COL5A1: variants seen among roughly 807,000 people sequenced by gnomAD.
COL5A1 encodes collagen type V alpha 1 chain.
COL5A1 carries 16 observed loss-of-function variants against 263.7 expected under a neutral mutation model. That is an observed-to-expected ratio of 0.06 (90% CI 0.04 to 0.09). The LOEUF (loss-of-function observed/expected upper bound fraction) is 0.09, where lower values mean the gene tolerates loss of function less well. Ranked by LOEUF, COL5A1 falls within the 10% of genes least tolerant of loss-of-function variation. COL5A1 has a pLI of 1.00. For missense variants in COL5A1, 2,036 were observed against 2,540.5 expected, an observed-to-expected ratio of 0.80 and a Z score of 4.27; for synonymous variants, 1,012 against 1,004.5, an observed-to-expected ratio of 1.01 and a Z score of -0.14.
rs375089777 is a variant in COL5A1, at chr9:134,836,169, C to T, written c.5370+965C>T. Among the ~76,000 whole-genome samples, 100 of 152,288 alleles carry T rather than the reference C, an allele frequency of 6.6e-4. No homozygotes were observed. The South Asian group carries it at 0.012, about 19-fold the overall frequency. On this transcript the variant is annotated intron_variant, in intron 65 of 65. Transcript: ENST00000371817. ...CGGGTAAACGGGAAGCGGTTTACTC[C>T]GCTCCCAGCTCTGCAGGCTGTCCAG... is the stretch of plus-strand genomic sequence containing the variant.
rs1835948757 is a variant in COL5A1, at chr9:134,755,813, C to T, written c.1828-952C>T. 6.6e-6 allele frequency among the ~76,000 whole-genome samples: 1 copy of T among 152,188 alleles called. No homozygotes were observed. Among genetic ancestry groups the T allele is most frequent in the African/African-American group, 2.4e-5 (1 of 41,454 alleles). On this transcript the variant is annotated intron_variant, in intron 16 of 65. Coordinates refer to ENST00000371817, the MANE Select transcript of COL5A1 (RefSeq NM_000093.5). This position sits in a 1 kb window ranked among gnomAD's most constrained non-coding sequence, Gnocchi z 4.1. The stretch of plus-strand genomic sequence containing the variant: ...GGATTTCTCTCTTTTTGCTTCTCGG[C>T]TGTTCTCGGGTGCCACCTTGTCTGT...
intron 44 of COL5A1, 63 bp downstream of exon 44, chr9:134,810,371 T>G: frequency 6.7e-7 from 1 of 1,500,548 alleles, no homozygotes; most frequent in Non-Finnish European, 9.3e-7. Context: ...TCGCAGGCTG[T>G]AGGCCGTGTG....
intron 4 of COL5A1, among the ~76,000 whole-genome samples, chr9:134,715,134 A>T (rs957336097): frequency 2.0e-5 from 3 of 152,040 alleles, no homozygotes; most frequent in Non-Finnish European, 2.9e-5. Flanking sequence ...CTACCATCTC[A>T]GAGAGGGGGA....
At chr9:134,759,087 C>G (rs922706995) in intron 18 of COL5A1, among the ~76,000 whole-genome samples, 1 of 152,054 alleles carries the variant, frequency 6.6e-6, no homozygotes, top group Non-Finnish European at 1.5e-5. Context: ...GAGGGCTCTT[C>G]ACAGCTTGTG....
chr9:134,747,998 CATACACATGCATTCACACACAT>C (rs1835620645), intron 11 of COL5A1, among the ~76,000 whole-genome samples: 1 of 122,046 alleles, frequency 8.2e-6, no homozygotes, highest in African/African-American at 2.9e-5. Flanking sequence ...TTCACACACA[CATACACATGCATTCACACACAT>C]GCATTCATAC....
At chr9:134,766,898 C>G in intron 22 of COL5A1, 102 bp from the exon 23 acceptor site, 1 of 1,117,142 alleles carries the variant, frequency 9.0e-7, no homozygotes, top group South Asian at 1.3e-5. Context: ...CAGTGGGGAG[C>G]AGTTTGAAAG....
Position 134,795,250 on chromosome 9 carries a change from C to A in COL5A1, c.2746-12C>A. On this transcript the variant is annotated splice_polypyrimidine_tract_variant and intron_variant, in intron 33 of 65. Transcript: ENST00000371817. ...GACTTGAGCTGACCTTCCTTCTCTCCCATCTGTCCAGGGTCCGAGGGGTGA... is the reference window on the plus strand; with the variant it reads ...GACTTGAGCTGACCTTCCTTCTCTCACATCTGTCCAGGGTCCGAGGGGTGA... The A allele has an allele frequency of 2.5e-6, 4 of 1,613,878 alleles. No individual in the cohort carries two copies. The highest frequency in any genetic ancestry group is 2.5e-6 in the Non-Finnish European group (3 of 1,179,948).
In COL5A1 at chr9:134,814,132, C is replaced by T; in HGVS notation, c.3906+96C>T. 2.4e-6 allele frequency: 3 copies of T among 1,274,810 alleles called. No individual in the cohort carries two copies. In the East Asian group the frequency reaches 7.7e-5, roughly 33 times the overall value. 79.0% of individuals were successfully genotyped at this position (1,274,810 alleles called of 1,614,324 possible). ...AGGCTCTGGCTCTGCCTTAGCTTTT[C>T]CATCCACGAAATGGGAGTTGTAACC... On this transcript the variant is annotated intron_variant, in intron 49 of 65. Transcript: ENST00000371817.
At chr9:134,780,294 G>T in intron 28 of COL5A1, 148 bp downstream of exon 28, 1 of 821,240 alleles carries the variant, frequency 1.2e-6, no homozygotes. Flanking sequence ...CCACTCTGTG[G>T]AAAGTGTCTC....
chr9:134,649,854 T>TA (rs917627951), intron 1 of COL5A1, among the ~76,000 whole-genome samples: 3 of 151,924 alleles, frequency 2.0e-5, no homozygotes, highest in African/African-American at 7.3e-5. Flanking sequence ...TATGCAGCCA[T>TA]AAAAAAAGGA....
intron 9 of COL5A1, among the ~76,000 whole-genome samples, chr9:134,738,106 C>A (rs193258989): frequency 1.3e-5 from 2 of 152,168 alleles, no homozygotes; most frequent in South Asian, 4.1e-4. Context: ...CCTCCTCCCT[C>A]GAGTGGCTTT....
At chr9:134,723,738 G>T (rs1834548148) in intron 4 of COL5A1, among the ~76,000 whole-genome samples, 3 of 152,212 alleles carry the variant, frequency 2.0e-5, no homozygotes, top group African/African-American at 7.2e-5. Flanking sequence ...CTGTGGCCAG[G>T]CTATGGCACA....
At chr9:134,760,922 TACAC>T (rs370304787) in intron 18 of COL5A1, among the ~76,000 whole-genome samples, 2 of 112,326 alleles carry the variant, frequency 1.8e-5, no homozygotes, top group Non-Finnish European at 3.7e-5. Flanking sequence ...CACACACACG[TACAC>T]ACATGCACAC....
At chr9:134,834,189 C>T (rs1224595863) in intron 64 of COL5A1, among the ~76,000 whole-genome samples, 3 of 152,192 alleles carry the variant, frequency 2.0e-5, no homozygotes, top group Non-Finnish European at 4.4e-5. Context: ...TCTGGCCCTG[C>T]ACCCCTCTAC....
At chr9:134,650,743 T>TC (rs1165230225) in intron 1 of COL5A1, among the ~76,000 whole-genome samples, 3 of 152,268 alleles carry the variant, frequency 2.0e-5, no homozygotes, top group Non-Finnish European at 4.4e-5. Context: ...GAGGGCACGT[T>TC]CCCGTGCATG....
At chr9:134,703,787 G>A (rs897978757) in intron 4 of COL5A1, among the ~76,000 whole-genome samples, 5 of 151,846 alleles carry the variant, frequency 3.3e-5, no homozygotes, top group Non-Finnish European at 5.9e-5. Flanking sequence ...ACAGGCGCCC[G>A]CCACCACACC....
chr9:134,727,078 T>C (rs1266064952), intron 4 of COL5A1, among the ~76,000 whole-genome samples, 188 bp from the exon 5 acceptor site: 1 of 149,278 alleles, frequency 6.7e-6, no homozygotes, highest in Non-Finnish European at 1.5e-5. Context: ...GATGGATGGA[T>C]GGGCCAGCCT....
Position 134,772,849 on chromosome 9 carries a change from C to T in COL5A1, c.2331+15C>T, listed in dbSNP as rs369093559. 68 of 1,613,150 alleles carry T rather than the reference C, an allele frequency of 4.2e-5. No individual in the cohort carries two copies. In the East Asian group the frequency reaches 8.2e-4, roughly 20 times the overall value. ...AAGGAGGTCAGGTGGGTGCTCGCCA[C>T]GCCCTCCTACCCTTCAGCATCCAGG... On this transcript the variant is annotated intron_variant, in intron 26 of 65. Coordinates refer to ENST00000371817, the MANE Select transcript of COL5A1 (RefSeq NM_000093.5).
At chr9:134,717,727 G>A (rs1834319620) in intron 4 of COL5A1, among the ~76,000 whole-genome samples, 1 of 152,244 alleles carries the variant, frequency 6.6e-6, no homozygotes, top group African/African-American at 2.4e-5. Flanking sequence ...AGAAGGGTTT[G>A]TCTTAAATAG....
Sources: gnomAD v4.1 joint callset for allele counts (sites outside exome capture counted in the v4.1 genomes callset) on GRCh38, gnomAD v4.1.1 for gene constraint, Gnocchi (gnomAD v3.1) non-coding constraint, MANE v1.5 for transcripts, NCBI Gene and HGNC (gene_info 2026-07-23, HGNC 2026-07-21) for gene names.